Variants in RANBP2 observed in about 807,000 individuals in gnomAD.
RANBP2 encodes the protein RAN binding protein 2.
RANBP2 carries 57 observed loss-of-function variants against 303.6 expected under a neutral mutation model. That is an observed-to-expected ratio of 0.19 (90% confidence interval 0.15 to 0.23). The LOEUF (loss-of-function observed/expected upper bound fraction) is 0.23, where lower values mean the gene tolerates loss of function less well. Ranked by LOEUF, RANBP2 falls within the 10% of genes least tolerant of loss-of-function variation. RANBP2 has a pLI of 1.00. For missense variants in RANBP2, 3,138 were observed against 3,780.8 expected (o/e 0.83, Z 4.46); for synonymous variants, 1,167 against 1,301.5 (o/e 0.90, Z 2.23).
the RANBP2 span, among the ~76,000 whole-genome samples, chr2:109,191,058 A>G: frequency 6.6e-6 from 1 of 152,090 alleles, no homozygotes; most frequent in Non-Finnish European, 1.5e-5. Flanking sequence ...CAAAGAGTCT[A>G]ACCTCCTCTG....
chr2:109,394,329 T>A, the RANBP2 span, among the ~76,000 whole-genome samples: 1 of 152,122 alleles, frequency 6.6e-6, no homozygotes, highest in Non-Finnish European at 1.5e-5. Flanking sequence ...TGTGGGATGG[T>A]GAGCCCTGGC....
chr2:108,939,223 G>A, the RANBP2 span, among the ~76,000 whole-genome samples: 1 of 151,940 alleles, frequency 6.6e-6, no homozygotes, highest in Admixed American at 6.6e-5. Flanking sequence ...TGTCACCCAG[G>A]CTACAGTGTA....
rs1408778114 is a variant in RANBP2 at position 108,782,160 on chromosome 2, A to C, written c.8793A>C (p.Glu2931Asp). 3 of 1,614,048 alleles carry C rather than the reference A, an allele frequency of 1.9e-6. No individual in the cohort carries two copies. The highest frequency in any genetic ancestry group is 1.7e-5 in the Admixed American group (1 of 60,002). The change falls in exon 27 of 29, where the codon GAA becomes GAC. Residue 2931 changes from glutamate to aspartate, a missense_variant. This residue lies in a region of RANBP2 where 68 missense variants were observed against 117.4 expected (regional missense o/e 0.58). Coordinates refer to ENST00000283195, the MANE Select transcript of RANBP2 (RefSeq NM_006267.5). ...TAAAATCTGGAGAAGAAGATGAAGA[A>C]ATTTTGTTTAAAGAGAGAGCCAAAC... Reference protein sequence around the residue: ...VEVKSGEEDEEILFKERAKLY... With the variant: ...VEVKSGEEDEDILFKERAKLY...
the RANBP2 span, among the ~76,000 whole-genome samples, chr2:109,328,013 A>G: frequency 6.6e-6 from 1 of 152,184 alleles, no homozygotes; most frequent in African/African-American, 2.4e-5. Flanking sequence ...CTTATTCCAT[A>G]TGTCCCTCCA....
At chr2:108,953,961 A>C in the RANBP2 span, among the ~76,000 whole-genome samples, 1 of 152,326 alleles carries the variant, frequency 6.6e-6, no homozygotes, top group East Asian at 1.9e-4. Flanking sequence ...GATTACCAAG[A>C]TCCTAAAACT....
chr2:109,501,653 C>A, the RANBP2 span: 2 of 771,334 alleles, frequency 2.6e-6, no homozygotes, highest in African/African-American at 1.7e-5. Context: ...TCCCGGGCAG[C>A]TTCGTCGAGA....
chr2:109,763,556 C>T, the RANBP2 span, among the ~76,000 whole-genome samples: 2 of 149,588 alleles, frequency 1.3e-5, no homozygotes, highest in Admixed American at 6.9e-5. Flanking sequence ...AGTTAAGGTC[C>T]TACTAAAATA....
At chr2:109,046,140 T>TAAA in the RANBP2 span, among the ~76,000 whole-genome samples, 24 of 151,374 alleles carry the variant, frequency 1.6e-4, no homozygotes, top group Non-Finnish European at 1.8e-4. Flanking sequence ...CCGTCTCTAC[T>TAAA]AAAAATACAA....
the RANBP2 span, among the ~76,000 whole-genome samples, chr2:109,289,333 A>G: frequency 0.35 from 52,306 of 151,302 alleles, 9,168 homozygotes; most frequent in South Asian, 0.42. Flanking sequence ...CCATGCTCCC[A>G]CACAAAGGTC....
the RANBP2 span, among the ~76,000 whole-genome samples, chr2:109,437,750 G>T: frequency 6.6e-6 from 1 of 151,850 alleles, no homozygotes; most frequent in Non-Finnish European, 1.5e-5. Context: ...GCCCCAGGAT[G>T]TTGTGAGATG....
At chr2:109,562,855 C>T in the RANBP2 span, among the ~76,000 whole-genome samples, 1 of 151,920 alleles carries the variant, frequency 6.6e-6, no homozygotes, top group Non-Finnish European at 1.5e-5. Context: ...GACTGGCCCA[C>T]AACCAGAAGC....
the RANBP2 span, among the ~76,000 whole-genome samples, chr2:109,421,304 C>T: frequency 4.6e-5 from 7 of 152,178 alleles, no homozygotes; most frequent in African/African-American, 1.4e-4. Flanking sequence ...TTGGAGTCCC[C>T]GTGACCAGCT....
the RANBP2 span, among the ~76,000 whole-genome samples, chr2:109,557,266 G>A: frequency 6.6e-6 from 1 of 152,140 alleles, no homozygotes; most frequent in Non-Finnish European, 1.5e-5. Context: ...ACAAGCACTT[G>A]AGTTGTTCAC....
the RANBP2 span, among the ~76,000 whole-genome samples, chr2:109,304,110 AAAAG>A: frequency 2.0e-5 from 3 of 152,042 alleles, no homozygotes; most frequent in South Asian, 2.1e-4. Flanking sequence ...TCAAAAAAAA[AAAAG>A]AAAGATCTAC....
chr2:109,121,225 C>T, the RANBP2 span, among the ~76,000 whole-genome samples: 10 of 151,020 alleles, frequency 6.6e-5, no homozygotes, highest in African/African-American at 2.4e-4. Flanking sequence ...CCAGCCTGGG[C>T]GACAGAGTGA....
the RANBP2 span, among the ~76,000 whole-genome samples, chr2:109,106,139 G>A: frequency 3.9e-5 from 6 of 152,176 alleles, no homozygotes; most frequent in African/African-American, 1.4e-4. Context: ...GGGATTACAG[G>A]TGTGAGCCAC....
chr2:108,897,101 T>C, the RANBP2 span: 3 of 1,614,054 alleles, frequency 1.9e-6, no homozygotes, highest in Non-Finnish European at 2.5e-6. Flanking sequence ...ATCTCATCCC[T>C]CTTCAGGCCG....
the RANBP2 span, among the ~76,000 whole-genome samples, chr2:109,346,268 C>T: frequency 1.3e-5 from 2 of 152,140 alleles, no homozygotes. Context: ...GTCAATTTGC[C>T]AGCAGGCTCT....
the RANBP2 span, chr2:108,896,417 C>A: frequency 6.4e-6 from 1 of 156,764 alleles, no homozygotes; most frequent in Non-Finnish European, 1.4e-5. Flanking sequence ...AGGGAGTCAT[C>A]TCCCGCTTAG....
Sources: gnomAD v4.1 joint callset for allele counts (sites outside exome capture counted in the v4.1 genomes callset) on GRCh38, gnomAD v4.1.1 for gene constraint, gnomAD v4.1.1 regional missense constraint, MANE v1.5 for transcripts, NCBI Gene and HGNC (gene_info 2026-07-23, HGNC 2026-07-21) for gene names.